Variants in VPS54 observed in about 807,000 individuals in gnomAD.
VPS54 encodes the protein vacuolar protein sorting-associated protein 54.
In VPS54, 45 loss-of-function variants were observed where a neutral mutation model predicts 121.5. That is an observed-to-expected ratio of 0.37 (90% CI 0.29 to 0.47). VPS54 has a LOEUF of 0.47. Among genes scored for constraint, VPS54 ranks in the 20% least tolerant of loss-of-function variants. The pLI, the probability that VPS54 is intolerant of heterozygous loss-of-function variation, is 0.99. For synonymous variants in VPS54, 371 were observed against 385.8 expected (o/e 0.96, Z 0.45); for missense variants, 1,090 against 1,131.4 (o/e 0.96, Z 0.52).
At chr2:63,958,813 A>C (rs1156824725) in intron 7 of VPS54, among the ~76,000 whole-genome samples, 1 of 152,190 alleles carries the variant, frequency 6.6e-6, no homozygotes, top group African/African-American at 2.4e-5. Flanking sequence ...ACTATTAACA[A>C]ATAAATTTAA....
chr2:63,910,484 A>G (rs1673101939), intron 20 of VPS54, among the ~76,000 whole-genome samples: 1 of 152,236 alleles, frequency 6.6e-6, no homozygotes, highest in Admixed American at 6.5e-5. Context: ...TTTTTGGGAC[A>G]ATTAATAAGT....
intron 12 of VPS54, among the ~76,000 whole-genome samples, chr2:63,933,059 G>A (rs558403858): frequency 2.0e-5 from 3 of 152,262 alleles, no homozygotes; most frequent in Admixed American, 6.5e-5. Context: ...GAGAAAAAGA[G>A]AGGGAGGGAG....
chr2:63,954,456 C>G (rs1675399836), intron 7 of VPS54, among the ~76,000 whole-genome samples: 1 of 152,114 alleles, frequency 6.6e-6, no homozygotes, highest in Non-Finnish European at 1.5e-5. Flanking sequence ...GGAAAAGAAT[C>G]TAGCATTTAT....
chr2:63,981,530 C>A lies in VPS54; in HGVS notation c.378+116G>T, dbSNP rs193225186. 7.4e-5 allele frequency: 88 copies of A among 1,194,874 alleles called. 1 individual carries two copies. The East Asian group carries it at 1.5e-3, about 21-fold the overall frequency. 74.0% of individuals were successfully genotyped at this position (1,194,874 alleles called of 1,614,324 possible). The stretch of plus-strand genomic sequence containing the variant: ...CCCAGGACAGTACAATTTGTATGAA[C>A]GAAAAGAATACTATAGGTTCATCAA... On this transcript the variant is annotated intron_variant, in intron 3 of 22. Coordinates refer to ENST00000272322, the MANE Select transcript of VPS54 (RefSeq NM_016516.3).
chr2:63,998,553 T>C (rs1449221116), intron 1 of VPS54, among the ~76,000 whole-genome samples: 1 of 152,172 alleles, frequency 6.6e-6, no homozygotes, highest in Non-Finnish European at 1.5e-5. Flanking sequence ...TTTCTTAATT[T>C]TTTGTGTATC....
At chr2:64,014,117 A>T (rs1281304053) in intron 1 of VPS54, among the ~76,000 whole-genome samples, 1 of 151,692 alleles carries the variant, frequency 6.6e-6, no homozygotes, top group Non-Finnish European at 1.5e-5. Flanking sequence ...GAGATTTTAC[A>T]AATGGTGAGC....
chr2:63,918,370 T>C (rs945753708), intron 15 of VPS54, among the ~76,000 whole-genome samples: 3 of 151,956 alleles, frequency 2.0e-5, no homozygotes, highest in Admixed American at 6.6e-5. Context: ...ACAGAAAACA[T>C]ATCCTAGTCA....
intron 18 of VPS54, 100 bp from the exon 19 acceptor site, chr2:63,912,761 T>C (rs928576228): frequency 1.1e-5 from 15 of 1,426,314 alleles, no homozygotes; most frequent in Non-Finnish European, 1.4e-5. Flanking sequence ...ACATCACTTA[T>C]AAAGAACCAG....
intron 1 of VPS54, among the ~76,000 whole-genome samples, chr2:64,001,242 C>G (rs941139065): frequency 6.6e-6 from 1 of 152,184 alleles, no homozygotes. Context: ...GTGGTGAAGG[C>G]TGCCAGGCCT....
intron 1 of VPS54, among the ~76,000 whole-genome samples, chr2:63,998,172 T>C (rs1488107049): frequency 2.6e-5 from 4 of 152,240 alleles, no homozygotes; most frequent in East Asian, 1.9e-4. Flanking sequence ...CTATGCTGAA[T>C]TGACCCCTTT....
rs975946844 is a variant in VPS54, at chr2:63,913,981, G to A, written c.2334+201C>T. 9 of 1,281,022 alleles carry A rather than the reference G, an allele frequency of 7.0e-6. 1 individual carries two copies. The East Asian group carries it at 1.7e-4, about 24-fold the overall frequency. 79.4% of individuals were successfully genotyped at this position (1,281,022 alleles called of 1,614,324 possible). On this transcript the variant is annotated intron_variant, in intron 17 of 22. Transcript: ENST00000272322. ...GTCATTAACAACTCTATGGGTGAAT[G>A]AGGATCACTAACTGTGGAGTAAGAA...
intron 3 of VPS54, among the ~76,000 whole-genome samples, chr2:63,976,825 C>CTTTTTTTTTTTTTTT (rs1174931536): frequency 6.7e-5 from 6 of 89,678 alleles, no homozygotes; most frequent in African/African-American, 2.5e-4. Flanking sequence ...TATATCTTCT[C>CTTTTTTTTTTTTTTT]TTTTTTTTTT....
intron 12 of VPS54, among the ~76,000 whole-genome samples, chr2:63,926,740 A>T (rs1429010711): frequency 1.3e-5 from 2 of 152,172 alleles, no homozygotes; most frequent in South Asian, 4.1e-4. Flanking sequence ...AGCCAAGGGA[A>T]GCTGTGAGTA....
At chr2:63,913,760 A>G in intron 17 of VPS54, 10 of 829,492 alleles carry the variant, frequency 1.2e-5, no homozygotes, top group Non-Finnish European at 1.5e-5. Context: ...ATGGCTGAAT[A>G]AAATCATCAC....
chr2:63,926,416 C>CT (rs1673903877), intron 12 of VPS54, among the ~76,000 whole-genome samples: 2 of 152,156 alleles, frequency 1.3e-5, no homozygotes, highest in South Asian at 4.1e-4. Flanking sequence ...TTTGTTTGTA[C>CT]TGAAGAGCAG....
chr2:63,913,702 A>G (rs1326153072), intron 17 of VPS54: 3 of 361,962 alleles, frequency 8.3e-6, no homozygotes, highest in Admixed American at 6.1e-5. Flanking sequence ...TGAAAAAAAT[A>G]ATAAAGCATT....
intron 20 of VPS54, among the ~76,000 whole-genome samples, chr2:63,902,670 AT>A (rs1304393005): frequency 2.0e-5 from 3 of 152,194 alleles, no homozygotes; most frequent in Non-Finnish European, 4.4e-5. Context: ...AGAGGGAGAT[AT>A]AAAAATAACT....
At chr2:63,908,416 G>A (rs1672995641) in intron 20 of VPS54, among the ~76,000 whole-genome samples, 1 of 152,162 alleles carries the variant, frequency 6.6e-6, no homozygotes, top group South Asian at 2.1e-4. Context: ...AGTATGGGGA[G>A]TGAACTGACT....
chr2:63,925,757 C>T (rs1376754858), intron 12 of VPS54, among the ~76,000 whole-genome samples: 1 of 152,096 alleles, frequency 6.6e-6, no homozygotes, highest in East Asian at 1.9e-4. Context: ...TATATTATTC[C>T]ATTAACATAA....
Sources: allele counts gnomAD v4.1 joint callset (sites outside exome capture counted in the v4.1 genomes callset), GRCh38; gene constraint gnomAD v4.1.1; transcripts MANE v1.5; gene names NCBI Gene and HGNC (gene_info 2026-07-23, HGNC 2026-07-21).